DHX35: variants seen among roughly 807,000 people sequenced by gnomAD.
The protein encoded by DHX35 is DEAH-box helicase 35.
Under a neutral mutation model 99.6 loss-of-function variants are expected in DHX35, and 84 were observed. The observed-to-expected ratio is 0.84, with a 90% CI of 0.71 to 1.01. The LOEUF (loss-of-function observed/expected upper bound fraction) is 1.01. Among genes scored for constraint, DHX35 ranks in the 50% least tolerant of loss-of-function variants. The probability of loss-of-function intolerance (pLI) is 0.00; values close to 1 mark genes in which losing one functional copy is unlikely to be tolerated. For synonymous variants in DHX35, 331 were observed against 316.2 expected (o/e 1.05, Z -0.50); for missense variants, 852 against 888.5 (o/e 0.96, Z 0.52).
chr20:38,980,116 T>C lies in DHX35; in HGVS notation c.268-3583T>C, dbSNP rs78724478. Among the ~76,000 whole-genome samples, 903 of 152,216 alleles carry C rather than the reference T, an allele frequency of 5.9e-3. 7 individuals are homozygous for C. The highest frequency in any genetic ancestry group is 0.017 in the Middle Eastern group (5 of 294). On this transcript the variant is annotated intron_variant, in intron 3 of 21. Coordinates refer to ENST00000252011, the MANE Select transcript of DHX35 (RefSeq NM_021931.4). ...TTAAATTTCCACCTCTCAGCAATCA[T>C]AAGCATGCCATAGAAGTCTGAATCA...
chr20:38,992,351 C>G lies in DHX35; in HGVS notation c.513-5C>G. On this transcript the variant is annotated splice_polypyrimidine_tract_variant and splice_region_variant and intron_variant, in intron 6 of 21. Coordinates refer to ENST00000252011, the MANE Select transcript of DHX35 (RefSeq NM_021931.4). ...GCTCACTGAGAGCTTCTCTTTGATT[C>G]TTAGTGTCATCATGCTGGATGAAGC... 1 of 1,613,804 alleles carries G rather than the reference C, an allele frequency of 6.2e-7. No individual in the cohort carries two copies. The highest frequency in any genetic ancestry group is 8.5e-7 in the Non-Finnish European group (1 of 1,179,798).
intron 1 of DHX35, among the ~76,000 whole-genome samples, chr20:38,968,871 C>G (rs1279165953): frequency 6.6e-6 from 1 of 152,152 alleles, no homozygotes; most frequent in Non-Finnish European, 1.5e-5. Flanking sequence ...TTGTTTTTGA[C>G]ACTGCAGTGA....
intron 18 of DHX35, among the ~76,000 whole-genome samples, chr20:39,025,839 G>A (rs1835577955): frequency 6.6e-6 from 1 of 152,224 alleles, no homozygotes; most frequent in Admixed American, 6.5e-5. Flanking sequence ...CTCTAGCAGT[G>A]ACAGTGACTA....
At chr20:38,988,760 G>A (rs569414959) in intron 4 of DHX35, 53 bp from the exon 5 acceptor site, 20 of 1,609,088 alleles carry the variant, frequency 1.2e-5, no homozygotes, top group East Asian at 9.0e-5. Context: ...TAGTATGTGC[G>A]CTGTGCAGTA....
intron 12 of DHX35, among the ~76,000 whole-genome samples, chr20:39,008,588 G>A (rs935375983): frequency 3.3e-5 from 5 of 152,112 alleles, no homozygotes; most frequent in Non-Finnish European, 5.9e-5. Flanking sequence ...TGAGTGCATT[G>A]GTGTCCAGCC....
intron 8 of DHX35, among the ~76,000 whole-genome samples, chr20:38,995,832 G>T (rs2086420828): frequency 6.6e-6 from 1 of 152,170 alleles, no homozygotes; most frequent in African/African-American, 2.4e-5. Flanking sequence ...TTTCCAGATG[G>T]ATGAAGGTGG....
chr20:38,969,214 G>A lies in DHX35; in HGVS notation c.174G>A (p.Lys58=). The A allele has an allele frequency of 6.2e-7, 1 of 1,607,262 alleles. No individual in the cohort carries two copies. The highest frequency in any genetic ancestry group is 8.5e-7 in the Non-Finnish European group (1 of 1,175,628). Residue 58 remains lysine, a splice_region_variant and synonymous_variant, in exon 2 of 22, where the codon AAG becomes AAA. Coordinates refer to ENST00000252011, the MANE Select transcript of DHX35 (RefSeq NM_021931.4). ...AGAGGCAGAAGCTGCCGGTATTCAA[G>A]GTACGTCAAATAATCATGTTCAACC... ...EQQRQKLPVF[K]LRNHILYLIE...
chr20:38,987,076 T>C (rs1222974163), intron 4 of DHX35, among the ~76,000 whole-genome samples: 1 of 152,184 alleles, frequency 6.6e-6, no homozygotes, highest in Non-Finnish European at 1.5e-5. Flanking sequence ...ACTTGGGAAC[T>C]GCGTGGGTGC....
In DHX35 at chr20:39,003,916, A is replaced by C. The variant is rs1790159541; in HGVS notation, c.1011+9A>C. Reference sequence around the variant, plus strand: ...CACGCAGTGTCAGAAAGGTGAGACTATCCTGATGACCAAGGGTGTTGGCAG... The same window carrying C: ...CACGCAGTGTCAGAAAGGTGAGACTCTCCTGATGACCAAGGGTGTTGGCAG... On this transcript the variant is annotated intron_variant, in intron 11 of 21. Coordinates refer to ENST00000252011, the MANE Select transcript of DHX35 (RefSeq NM_021931.4). 1 of 1,612,900 alleles carries C rather than the reference A, an allele frequency of 6.2e-7. No homozygotes were observed. Among genetic ancestry groups the C allele is most frequent in the African/African-American group, 1.3e-5 (1 of 74,918 alleles).
At chr20:39,016,745 A>G (rs1043865935) in intron 14 of DHX35, among the ~76,000 whole-genome samples, 6 of 151,326 alleles carry the variant, frequency 4.0e-5, no homozygotes, top group Non-Finnish European at 7.4e-5. Flanking sequence ...CTTGGTTTTG[A>G]TTTGCGTTTC....
At chr20:39,031,726 C>T (rs1239675158) in intron 20 of DHX35, among the ~76,000 whole-genome samples, 4 of 152,166 alleles carry the variant, frequency 2.6e-5, no homozygotes, top group Non-Finnish European at 4.4e-5. Flanking sequence ...GTGCTGGGCT[C>T]AGCACATCAT....
chr20:39,035,639 C>T (rs6071639), intron 21 of DHX35, among the ~76,000 whole-genome samples: 3 of 152,144 alleles, frequency 2.0e-5, no homozygotes, highest in African/African-American at 4.8e-5. Flanking sequence ...GCTTGCGTTC[C>T]TACGTGGTGG....
At chr20:39,016,926 T>C (rs2086794980) in intron 14 of DHX35, among the ~76,000 whole-genome samples, 1 of 151,796 alleles carries the variant, frequency 6.6e-6, no homozygotes, top group Admixed American at 6.6e-5. Context: ...TGGGCACATA[T>C]TCTTATCAGA....
chr20:39,020,110 A>C (rs1323741237), intron 15 of DHX35, among the ~76,000 whole-genome samples: 3 of 152,184 alleles, frequency 2.0e-5, no homozygotes, highest in African/African-American at 7.2e-5. Flanking sequence ...GTGTGTGTAC[A>C]TATTTATATA....
intron 18 of DHX35, among the ~76,000 whole-genome samples, chr20:39,026,196 C>G (rs141499346): frequency 6.6e-6 from 1 of 152,252 alleles, no homozygotes; most frequent in East Asian, 1.9e-4. Flanking sequence ...ACTGAGTGTT[C>G]CATGTGTTTA....
At position 39,031,332 on chromosome 20, in the gene DHX35, T is replaced by A. The variant is rs529238482; in HGVS notation, c.1955+557T>A. On this transcript the variant is annotated intron_variant, in intron 20 of 21. Coordinates refer to ENST00000252011, the MANE Select transcript of DHX35 (RefSeq NM_021931.4). ...ATGAATTGGGATCCCAGCTCACGGT[T>A]CTTTTTTTTTTTTTTTTTTGAGACA... 9.4e-3 allele frequency among the ~76,000 whole-genome samples: 1,403 copies of A among 149,610 alleles called. 24 individuals carry two copies. Among genetic ancestry groups the A allele is most frequent in the African/African-American group, 0.033 (1,352 of 40,744 alleles).
chr20:38,977,735 G>T, intron 3 of DHX35: 1 of 410,048 alleles, frequency 2.4e-6, no homozygotes, highest in Middle Eastern at 7.8e-4. Flanking sequence ...TTGCTTTAGT[G>T]TTTTCTACAG....
intron 4 of DHX35, among the ~76,000 whole-genome samples, chr20:38,986,277 G>A (rs147633309): frequency 6.6e-6 from 1 of 151,322 alleles, no homozygotes; most frequent in Non-Finnish European, 1.5e-5. Context: ...TGAGGTTATT[G>A]GGAGCAGAAC....
intron 6 of DHX35, 52 bp from the exon 7 acceptor site, chr20:38,992,304 A>T (rs1331586863): frequency 5.4e-6 from 8 of 1,491,782 alleles, no homozygotes; most frequent in Non-Finnish European, 7.5e-6. Context: ...TCTAGATGAG[A>T]TGATGTGTGG....
Sources: allele counts gnomAD v4.1 joint callset (sites outside exome capture counted in the v4.1 genomes callset), GRCh38; gene constraint gnomAD v4.1.1; transcripts MANE v1.5; gene names NCBI Gene and HGNC (gene_info 2026-07-23, HGNC 2026-07-21).